AGMAT: variants seen among roughly 807,000 people sequenced by gnomAD.
AGMAT encodes agmatinase (putative), also known as guanidino acid hydrolase, mitochondrial.
Under a neutral mutation model 29.3 loss-of-function variants are expected in AGMAT, and 37 were observed. The ratio of observed to expected loss-of-function variants is 1.26; its 90% CI spans 0.97 to 1.66. The LOEUF (loss-of-function observed/expected upper bound fraction) is 1.66, where lower values mean the gene tolerates loss of function less well. AGMAT is among the 40% of genes most tolerant of loss of function. The pLI, the probability that AGMAT is intolerant of heterozygous loss-of-function variation, is 0.00. For missense variants in AGMAT, 498 were observed against 497.8 expected (o/e 1.00, Z 0.00); for synonymous variants, 199 against 200.8 (o/e 0.99, Z 0.08).
intron 4 of AGMAT, among the ~76,000 whole-genome samples, chr1:15,578,154 G>A (rs564164179): frequency 2.6e-5 from 4 of 152,280 alleles, no homozygotes; most frequent in African/African-American, 7.2e-5. Flanking sequence ...GACTGGCCTT[G>A]GCACGCTCTA....
In AGMAT at chr1:15,580,088, A is replaced by C; in HGVS notation, c.524+6T>G. 2 of 1,613,144 alleles carry C rather than the reference A, an allele frequency of 1.2e-6. No individual in the cohort carries two copies. The highest frequency in any genetic ancestry group is 1.7e-6 in the Non-Finnish European group (2 of 1,179,454). On this transcript the variant is annotated splice_donor_region_variant and intron_variant, in intron 3 of 6. Coordinates refer to ENST00000375826, the MANE Select transcript of AGMAT (RefSeq NM_024758.5). The stretch of plus-strand genomic sequence containing the variant: ...TCTTGCTGGGCCCAAGCCATTTGAG[A>C]CTTACTTTTTTGCCATCGCTTGCAA...
rs1638963521 is a variant in AGMAT, at chr1:15,572,224, GT to G, written c.*1426del. The G allele has an allele frequency of 2.1e-5, 3 of 144,758 alleles. No homozygotes were observed. Among genetic ancestry groups the G allele is most frequent in the African/African-American group, 7.6e-5 (3 of 39,226 alleles). The allele number at this position is 144,758 out of a possible 1,614,324, so 9.0% of individuals were successfully genotyped here. A position where few individuals can be genotyped will look rare whatever the true frequency, so the allele number is the denominator to read the frequency against. On this transcript the variant is annotated 3_prime_UTR_variant, in exon 7 of 7. Transcript: ENST00000375826. ...TTCTGGGGTTTTTTTGTTTTGTTTTGTTTTGTTTTGTTTTTTAGTAGAGACG... is the reference window on the plus strand; with the variant it reads ...TTCTGGGGTTTTTTTGTTTTGTTTTGTTTGTTTTGTTTTTTAGTAGAGACG...
At chr1:15,581,525 CAT>C (rs1271714351) in intron 2 of AGMAT, among the ~76,000 whole-genome samples, 8 of 150,942 alleles carry the variant, frequency 5.3e-5, no homozygotes, top group South Asian at 4.2e-4. Context: ...ATGTGACACA[CAT>C]GTGACATACA....
At chr1:15,581,562 T>C (rs1398131169) in intron 2 of AGMAT, among the ~76,000 whole-genome samples, 1 of 150,810 alleles carries the variant, frequency 6.6e-6, no homozygotes, top group African/African-American at 2.4e-5. Flanking sequence ...CTTAAGAAAC[T>C]GAATATTTTA....
At position 15,576,772 on chromosome 1, in the gene AGMAT, T is replaced by C. The variant is rs113792521; in HGVS notation, c.900+913A>G. 7.2e-3 allele frequency among the ~76,000 whole-genome samples: 902 copies of C among 125,298 alleles called. 29 individuals are homozygous for C. The highest frequency in any genetic ancestry group is 0.027 in the African/African-American group (838 of 31,050). 82.2% of individuals were successfully genotyped at this position (125,298 alleles called of 152,430 possible). On this transcript the variant is annotated intron_variant, in intron 5 of 6. Transcript: ENST00000375826. ...TTTTTTTTTTTTTTTTTTTTTGAGA[T>C]GGAGTTTCACTCTTTCGCCCAGGCC...
In AGMAT at chr1:15,577,857, C is replaced by T. The variant is rs755628910; in HGVS notation, c.728G>A (p.Arg243Gln). The T allele has an allele frequency of 1.7e-5, 28 of 1,613,834 alleles. No homozygotes were observed. Among genetic ancestry groups the T allele is most frequent in the Non-Finnish European group, 2.0e-5 (24 of 1,179,914 alleles). ...PYRYNRSQGF[R>Q]VVLAEDCWMK... ...CCAGCAGTCTTCAGCCAGGACTACC[C>T]GGAAGCCCTGCAGAGACAGGGACTG... Residue 243 changes from arginine to glutamine, a missense_variant, in exon 5 of 7, where the codon CGG (arginine) becomes CAG (glutamine). By Grantham distance (43) the Arg-to-Gln change is conservative. Transcript: ENST00000375826.
intron 1 of AGMAT, among the ~76,000 whole-genome samples, chr1:15,583,726 A>G (rs1262654998): frequency 6.6e-6 from 1 of 152,210 alleles, no homozygotes; most frequent in East Asian, 1.9e-4. Flanking sequence ...GATCTACCTG[A>G]GTCTCAGTTT....
In AGMAT at chr1:15,579,605, C is replaced by T. The variant is rs1287295009; in HGVS notation, c.524+489G>A. On this transcript the variant is annotated intron_variant, in intron 3 of 6. Coordinates refer to ENST00000375826, the MANE Select transcript of AGMAT (RefSeq NM_024758.5). ...CCACCCTCCACCCGGGTCCTTCTGT[C>T]TCTTTCTCAAACTAAATTAGCCAAA... 2.0e-5 allele frequency among the ~76,000 whole-genome samples: 3 copies of T among 152,226 alleles called. No homozygotes were observed. In the East Asian group the frequency reaches 5.8e-4, roughly 29 times the overall value.
chr1:15,584,682 C>A lies in AGMAT; in HGVS notation c.272+14G>T. On this transcript the variant is annotated intron_variant, in intron 1 of 6. Transcript: ENST00000375826. ...CCCTCCACGTGTACCCGGCCCCCGT[C>A]CTTCCGGCCTTACCTCGCCCCAGGC... 2 of 1,312,200 alleles carry A rather than the reference C, an allele frequency of 1.5e-6. No individual in the cohort carries two copies. Among genetic ancestry groups the A allele is most frequent in the Non-Finnish European group, 2.0e-6 (2 of 1,025,552 alleles). 81.3% of individuals were successfully genotyped at this position (1,312,200 alleles called of 1,614,324 possible).
chr1:15,576,950 C>A (rs1639048571), intron 5 of AGMAT, among the ~76,000 whole-genome samples: 1 of 149,846 alleles, frequency 6.7e-6, no homozygotes, highest in Non-Finnish European at 1.5e-5. Flanking sequence ...CGGAGTTTCA[C>A]CGTGTTAGCC....
intron 2 of AGMAT, among the ~76,000 whole-genome samples, chr1:15,582,233 T>C (rs1310760682): frequency 6.6e-6 from 1 of 150,748 alleles, no homozygotes; most frequent in Non-Finnish European, 1.5e-5. Context: ...GCCATTGCAC[T>C]CCAGCCTGGG....
At chr1:15,580,831 C>T (rs554846763) in intron 2 of AGMAT, among the ~76,000 whole-genome samples, 2 of 151,852 alleles carry the variant, frequency 1.3e-5, no homozygotes, top group South Asian at 2.1e-4. Flanking sequence ...CAAAATTAGC[C>T]GGGCATGGTA....
chr1:15,584,317 T>TG lies in AGMAT; in HGVS notation c.272+378_272+379insC, dbSNP rs201508732. On this transcript the variant is annotated intron_variant, in intron 1 of 6. Coordinates refer to ENST00000375826, the MANE Select transcript of AGMAT (RefSeq NM_024758.5). Reference sequence around the variant, plus strand: ...GCCACCATGCCCGGCTTTTTTTTTCTTTTTTTTGTACCTTTGTAGAGACAG... The same window carrying TG: ...GCCACCATGCCCGGCTTTTTTTTTCTGTTTTTTTGTACCTTTGTAGAGACAG... 1.7e-4 allele frequency among the ~76,000 whole-genome samples: 4 copies of TG among 23,160 alleles called. No individual in the cohort carries two copies. In the African/African-American group the frequency reaches 2.3e-3, roughly 14 times the overall value. The allele number at this position is 23,160 out of a possible 152,430, so 15.2% of individuals were successfully genotyped here.
Position 15,584,708 on chromosome 1 carries a change from C to T in AGMAT, c.260G>A (p.Arg87Gln), listed in dbSNP as rs1639161400. ...GVPLDTGTSNRPGARFGPRRI... is the reference protein window; with the variant it reads ...GVPLDTGTSNQPGARFGPRRI... ...CTTCCGGCCTTACCTCGCCCCAGGC[C>T]GGTTGGAGGTCCCAGTATCCAGGGG... The change falls in exon 1 of 7, where the codon CGG becomes CAG. Residue 87 changes from arginine (R) to glutamine (Q), a missense_variant. Arg to Gln is a conservative substitution (Grantham distance 43, BLOSUM62 1). Coordinates refer to ENST00000375826, the MANE Select transcript of AGMAT (RefSeq NM_024758.5). The T allele has an allele frequency of 2.3e-6, 3 of 1,331,288 alleles. No individual in the cohort carries two copies. The highest frequency in any genetic ancestry group is 1.9e-6 in the Non-Finnish European group (2 of 1,035,410). The allele number at this position is 1,331,288 out of a possible 1,614,324, so 82.5% of individuals were successfully genotyped here.
rs376485013 is a variant in AGMAT, at chr1:15,583,198, G to A, written c.470C>T (p.Thr157Ile). 7.4e-6 allele frequency: 12 copies of A among 1,614,010 alleles called. No homozygotes were observed. The highest frequency in any genetic ancestry group is 8.5e-6 in the Non-Finnish European group (10 of 1,180,022). ...CTCTTGCAGACTGACATTACCCAAG[G>A]TCAGAGGAATACAGCCAGCTGCTAC... ...KIVAAGCIPL[T>I]LGGDHTITYP... Residue 157 changes from threonine to isoleucine, a missense_variant, in exon 2 of 7, where the codon ACC (threonine) becomes ATC (isoleucine). Physicochemically the swap from Thr to Ile is moderately conservative, Grantham distance 89. Coordinates refer to ENST00000375826, the MANE Select transcript of AGMAT (RefSeq NM_024758.5).
chr1:15,572,940 T>C lies in AGMAT; in HGVS notation c.*711A>G, dbSNP rs1444762217. 3 of 150,474 alleles carry C rather than the reference T, an allele frequency of 2.0e-5. No homozygotes were observed. Among genetic ancestry groups the C allele is most frequent in the Non-Finnish European group, 4.4e-5 (3 of 67,876 alleles). The allele number at this position is 150,474 out of a possible 1,614,324, so 9.3% of individuals were successfully genotyped here. ...CTGTAGTTTAAAGGAAGATACTCAA[T>C]ACTCTAGGAAGCAGATCATCAAAAT... On this transcript the variant is annotated 3_prime_UTR_variant, in exon 7 of 7. Transcript: ENST00000375826.
rs962676337 is a variant in AGMAT at position 15,572,567 on chromosome 1, C to G, written c.*1084G>C. Reference sequence around the variant, plus strand: ...TAGAGATGGGTTTTCACCATGTTGGCCAGGCTGGTCTCGAACTCCTGACCT... The same window carrying G: ...TAGAGATGGGTTTTCACCATGTTGGGCAGGCTGGTCTCGAACTCCTGACCT... On this transcript the variant is annotated 3_prime_UTR_variant, in exon 7 of 7. Transcript: ENST00000375826. 9.2e-5 allele frequency: 14 copies of G among 151,764 alleles called. No individual in the cohort carries two copies. Among genetic ancestry groups the G allele is most frequent in the African/African-American group, 3.4e-4 (14 of 41,274 alleles). The allele number at this position is 151,764 out of a possible 1,614,324, so 9.4% of individuals were successfully genotyped here.
Position 15,585,041 on chromosome 1 carries a change from G to C in AGMAT, c.-74C>G. The C allele has an allele frequency of 2.4e-6, 3 of 1,260,586 alleles. No homozygotes were observed. The highest frequency in any genetic ancestry group is 3.0e-6 in the Non-Finnish European group (3 of 1,004,312). 78.1% of individuals were successfully genotyped at this position (1,260,586 alleles called of 1,614,324 possible). A position where few individuals can be genotyped will look rare whatever the true frequency, so the allele number is the denominator to read the frequency against. On this transcript the variant is annotated 5_prime_UTR_variant, in exon 1 of 7. Transcript: ENST00000375826. ...CGCGATCTGGCTGGTCCCGAACGGC[G>C]AGGCGAGTGTGCACGCGCCAGAGCC...
intron 4 of AGMAT, 118 bp downstream of exon 4, chr1:15,578,741 G>C (rs1488615516): frequency 1.8e-5 from 21 of 1,167,260 alleles, no homozygotes; most frequent in Non-Finnish European, 2.6e-5. Context: ...ACTCAGCCTT[G>C]TATCCCTGCT....
Sources: gnomAD v4.1 joint callset for allele counts (sites outside exome capture counted in the v4.1 genomes callset) on GRCh38, gnomAD v4.1.1 for gene constraint, MANE v1.5 for transcripts, NCBI Gene and HGNC (gene_info 2026-07-23, HGNC 2026-07-21) for gene names.